AP2B1: variants seen among roughly 807,000 people sequenced by gnomAD.
AP2B1 encodes the protein AP-2 complex subunit beta.
Under a neutral mutation model 102.0 loss-of-function variants are expected in AP2B1, and 23 were observed. That is an observed-to-expected ratio of 0.23 (90% CI 0.16 to 0.32). The LOEUF is 0.32. Ranked by LOEUF, AP2B1 falls within the 10% of genes least tolerant of loss-of-function variation. The pLI, the probability that AP2B1 is intolerant of heterozygous loss-of-function variation, is 1.00. For synonymous variants in AP2B1, 381 were observed against 421.2 expected (o/e 0.90, Z 1.17); for missense variants, 541 against 1,157.4 (o/e 0.47, Z 7.73).
At chr17:35,615,070 C>T (rs917499269) in intron 5 of AP2B1, among the ~76,000 whole-genome samples, 2 of 152,052 alleles carry the variant, frequency 1.3e-5, no homozygotes, top group South Asian at 2.1e-4. Flanking sequence ...GACAGTCCCC[C>T]GACAACAAAG....
intron 5 of AP2B1, among the ~76,000 whole-genome samples, chr17:35,620,300 G>A (rs750085834): frequency 1.1e-4 from 16 of 151,776 alleles, no homozygotes; most frequent in Non-Finnish European, 2.1e-4. Context: ...GGACAACATA[G>A]TGAGACCCCT....
At chr17:35,658,281 TC>T (rs1244792636) in intron 14 of AP2B1, among the ~76,000 whole-genome samples, 1 of 38,036 alleles carries the variant, frequency 2.6e-5, no homozygotes, top group Non-Finnish European at 4.6e-5. Flanking sequence ...TTCTTCTTCT[TC>T]TTTTTTTTTT....
At chr17:35,637,934 C>T (rs1567870168) in intron 10 of AP2B1, among the ~76,000 whole-genome samples, 1 of 152,126 alleles carries the variant, frequency 6.6e-6, no homozygotes, top group African/African-American at 2.4e-5. Flanking sequence ...ATCCCCCCCA[C>T]CTCGCCCTCC....
At chr17:35,650,467 A>C in intron 12 of AP2B1, 63 bp from the exon 13 acceptor site, 1 of 1,561,282 alleles carries the variant, frequency 6.4e-7, no homozygotes. Context: ...TAAATCCAGC[A>C]GTTTGGGTTT....
chr17:35,674,049 A>G (rs1326642994), intron 16 of AP2B1, 127 bp from the exon 17 acceptor site: 4 of 905,072 alleles, frequency 4.4e-6, no homozygotes, highest in Non-Finnish European at 6.5e-6. Flanking sequence ...AAAAATTACT[A>G]TAATTGCCTA....
At chr17:35,639,278 A>T (rs1403519717) in intron 10 of AP2B1, among the ~76,000 whole-genome samples, 1 of 152,170 alleles carries the variant, frequency 6.6e-6, no homozygotes, top group African/African-American at 2.4e-5. Flanking sequence ...GGTTACAGTG[A>T]GCTATGATCA....
At chr17:35,667,128 A>G (rs1366833860) in intron 14 of AP2B1, among the ~76,000 whole-genome samples, 1 of 152,172 alleles carries the variant, frequency 6.6e-6, no homozygotes, top group African/African-American at 2.4e-5. Flanking sequence ...GAGGCCACTC[A>G]CTGGGTAATT....
intron 14 of AP2B1, chr17:35,659,898 CAG>C: frequency 1.3e-5 from 13 of 985,350 alleles, no homozygotes; most frequent in Non-Finnish European, 1.6e-5. Context: ...TATATTCACT[CAG>C]AGAATCAAGG....
chr17:35,627,598 C>T, intron 8 of AP2B1, 33 bp from the exon 9 acceptor site: 1 of 1,612,844 alleles, frequency 6.2e-7, no homozygotes, highest in Non-Finnish European at 8.5e-7. Context: ...ATTTGAGAAT[C>T]CTTAATGATT....
At chr17:35,602,194 A>G (rs1249421464) in intron 3 of AP2B1, among the ~76,000 whole-genome samples, 1 of 152,138 alleles carries the variant, frequency 6.6e-6, no homozygotes, top group African/African-American at 2.4e-5. Context: ...TGCCTTCATG[A>G]TTTTTACTGT....
intron 9 of AP2B1, among the ~76,000 whole-genome samples, chr17:35,631,088 A>G (rs1225663720): frequency 6.6e-6 from 1 of 152,200 alleles, no homozygotes; most frequent in African/African-American, 2.4e-5. Flanking sequence ...TAGCACTGAA[A>G]AAGCAATCCT....
intron 12 of AP2B1, among the ~76,000 whole-genome samples, chr17:35,646,129 G>T (rs1194740638): frequency 6.6e-6 from 1 of 152,214 alleles, no homozygotes; most frequent in African/African-American, 2.4e-5. Flanking sequence ...TACTGTTTTA[G>T]TGCTGGCCTG....
rs934513184 is a variant in AP2B1 at position 35,724,307 on chromosome 17, C to G, written c.*608C>G. On this transcript the variant is annotated 3_prime_UTR_variant, in exon 22 of 22. Coordinates refer to ENST00000610402, the MANE Select transcript of AP2B1 (RefSeq NM_001030006.2). ...CTTTTTTCTTTTTTTCCCCTCCAAA[C>G]TCCTTTTCCTTGGCCAAGCCTTCAT... 6.6e-6 allele frequency: 1 copy of G among 152,268 alleles called. No individual in the cohort carries two copies. The highest frequency in any genetic ancestry group is 1.5e-5 in the Non-Finnish European group (1 of 68,096). 9.4% of individuals were successfully genotyped at this position (152,268 alleles called of 1,614,324 possible). A position where few individuals can be genotyped will look rare whatever the true frequency, so the allele number is the denominator to read the frequency against.
At chr17:35,631,300 AT>A (rs1460178523) in intron 9 of AP2B1, among the ~76,000 whole-genome samples, 1 of 152,018 alleles carries the variant, frequency 6.6e-6, no homozygotes, top group Non-Finnish European at 1.5e-5. Context: ...TTTGTGTGTC[AT>A]TTCTTAAAGA....
At chr17:35,624,719 T>G in intron 6 of AP2B1, 132 bp downstream of exon 6, 1 of 730,292 alleles carries the variant, frequency 1.4e-6, no homozygotes, top group Non-Finnish European at 2.2e-6. Context: ...CCAGGGTATT[T>G]TCTCTCTGGA....
intron 17 of AP2B1, among the ~76,000 whole-genome samples, chr17:35,675,661 T>C (rs1232781188): frequency 1.3e-5 from 2 of 148,738 alleles, no homozygotes; most frequent in Non-Finnish European, 3.0e-5. Context: ...GGGGATGGAG[T>C]CTTGCTCTGT....
intron 10 of AP2B1, among the ~76,000 whole-genome samples, chr17:35,636,874 A>G (rs1378144052): frequency 1.3e-5 from 2 of 152,220 alleles, no homozygotes; most frequent in African/African-American, 4.8e-5. Context: ...GCACCCTACC[A>G]TAAAAGCCAG....
chr17:35,605,218 C>A (rs944521730), intron 3 of AP2B1, among the ~76,000 whole-genome samples: 5 of 151,216 alleles, frequency 3.3e-5, no homozygotes, highest in African/African-American at 1.2e-4. Flanking sequence ...AGTTTCTTTT[C>A]TTTTCTTTTC....
intron 5 of AP2B1, among the ~76,000 whole-genome samples, chr17:35,620,017 C>G (rs984766941): frequency 3.9e-5 from 6 of 152,118 alleles, no homozygotes; most frequent in Admixed American, 2.6e-4. Context: ...AGCTTCTGGC[C>G]TCAAGTGATC....
Sources: gnomAD v4.1 joint callset for allele counts (sites outside exome capture counted in the v4.1 genomes callset) on GRCh38, gnomAD v4.1.1 for gene constraint, MANE v1.5 for transcripts, NCBI Gene and HGNC (gene_info 2026-07-23, HGNC 2026-07-21) for gene names.